The following PRKG1 variants were observed in gnomAD, a reference collection of about 807,000 sequenced individuals.
PRKG1 encodes the protein protein kinase cGMP-dependent 1, also known as cGMP-dependent protein kinase 1.
Under a neutral mutation model 88.1 loss-of-function variants are expected in PRKG1, and 35 were observed. The observed-to-expected ratio is 0.40, with a 90% confidence interval of 0.30 to 0.53. The LOEUF (loss-of-function observed/expected upper bound fraction) is 0.53, where lower values mean the gene tolerates loss of function less well. Among genes scored for constraint, PRKG1 ranks in the 20% least tolerant of loss-of-function variants. PRKG1 has a pLI of 0.59. For missense variants in PRKG1, 540 were observed against 839.8 expected, an observed-to-expected ratio of 0.64 and a Z score of 4.41; for synonymous variants, 303 against 292.5, an observed-to-expected ratio of 1.04 and a Z score of -0.37.
At chr10:51,909,768 G>T (rs543314280) in intron 5 of PRKG1, 1 of 151,930 alleles carries the variant, frequency 6.6e-6, no homozygotes, top group Non-Finnish European at 1.5e-5. Flanking sequence ...TCCAAGAGAA[G>T]AGAATAACTT....
chr10:51,625,139 A>C lies in PRKG1; in HGVS notation c.592+157303A>C, dbSNP rs540442037. Among the ~76,000 whole-genome samples, 20 of 152,294 alleles carry C rather than the reference A, an allele frequency of 1.3e-4. No individual in the cohort carries two copies. In the South Asian group the frequency reaches 2.5e-3, roughly 19 times the overall value. ...GCTTTGATCATTATACTATGTGTAC[A>C]CGCATTGAGACATCACACTGAACCC... is the stretch of plus-strand genomic sequence containing the variant. On this transcript the variant is annotated intron_variant, in intron 3 of 17. Transcript: ENST00000373980.
At chr10:51,235,405 AAAAC>A (rs34204430) in intron 2 of PRKG1, among the ~76,000 whole-genome samples, 3 of 150,346 alleles carry the variant, frequency 2.0e-5, no homozygotes, top group Non-Finnish European at 2.9e-5. Context: ...ATCTTGCAGA[AAAAC>A]AAACAAACAA....
intron 2 of PRKG1, among the ~76,000 whole-genome samples, chr10:51,265,388 T>C (rs1377521075): frequency 1.3e-5 from 2 of 152,152 alleles, no homozygotes; most frequent in African/African-American, 4.8e-5. Context: ...ATTTTGTAAG[T>C]ATGTTCAATT....
chr10:51,456,659 C>T (rs1839594134), intron 2 of PRKG1, among the ~76,000 whole-genome samples: 1 of 152,080 alleles, frequency 6.6e-6, no homozygotes, highest in East Asian at 1.9e-4. Flanking sequence ...TTAGACAACA[C>T]AGAGTGGGAA....
At chr10:51,373,881 C>A (rs1312208378) in intron 2 of PRKG1, among the ~76,000 whole-genome samples, 1 of 151,440 alleles carries the variant, frequency 6.6e-6, no homozygotes, top group Admixed American at 6.6e-5. Flanking sequence ...TGGTGGCTCA[C>A]GCCTGTAATC....
At chr10:52,157,270 A>G (rs1223597781) in intron 8 of PRKG1, among the ~76,000 whole-genome samples, 1 of 145,950 alleles carries the variant, frequency 6.9e-6, no homozygotes, top group African/African-American at 2.5e-5. Flanking sequence ...GTATATATAC[A>G]CATATATACA....
chr10:51,755,948 A>T (rs1457157098), intron 3 of PRKG1, among the ~76,000 whole-genome samples: 4 of 152,234 alleles, frequency 2.6e-5, no homozygotes, highest in African/African-American at 9.6e-5. Flanking sequence ...CTGTCTGATT[A>T]TTAGAAAGTT....
intron 1 of PRKG1, among the ~76,000 whole-genome samples, chr10:51,124,427 AAGTGACCTTG>A (rs374121569): frequency 1.3e-5 from 2 of 152,052 alleles, no homozygotes; most frequent in African/African-American, 4.8e-5. Context: ...CACCTTATAG[AAGTGACCTTG>A]ATTACCTATT....
intron 8 of PRKG1, among the ~76,000 whole-genome samples, chr10:52,156,388 G>A (rs1285378349): frequency 2.0e-5 from 3 of 151,718 alleles, no homozygotes; most frequent in Non-Finnish European, 4.4e-5. Context: ...GTAATATAAG[G>A]CTCTAAATTC....
intron 2 of PRKG1, among the ~76,000 whole-genome samples, chr10:51,158,332 C>G (rs1846267457): frequency 6.6e-6 from 1 of 151,868 alleles, no homozygotes; most frequent in African/African-American, 2.4e-5. Context: ...AAATACACGT[C>G]TTAGCCTTGG....
At chr10:51,387,801 T>C (rs1307317330) in intron 2 of PRKG1, among the ~76,000 whole-genome samples, 1 of 152,172 alleles carries the variant, frequency 6.6e-6, no homozygotes, top group East Asian at 1.9e-4. Context: ...CTCCATTATG[T>C]TCTAATATAT....
chr10:52,089,044 TA>T (rs1362235596), intron 7 of PRKG1, among the ~76,000 whole-genome samples: 1 of 152,222 alleles, frequency 6.6e-6, no homozygotes, highest in Non-Finnish European at 1.5e-5. Context: ...GTCAGAAAAA[TA>T]TTTTAAAATA....
intron 3 of PRKG1, among the ~76,000 whole-genome samples, chr10:51,665,917 A>ATGTG (rs368796918): frequency 4.0e-5 from 6 of 150,268 alleles, no homozygotes; most frequent in Non-Finnish European, 5.9e-5. Context: ...ATTTATGAAT[A>ATGTG]TGTGTGTGTG....
At chr10:51,309,393 G>T (rs2132485879) in intron 2 of PRKG1, among the ~76,000 whole-genome samples, 1 of 152,112 alleles carries the variant, frequency 6.6e-6, no homozygotes, top group South Asian at 2.1e-4. Flanking sequence ...CTCAGTGACA[G>T]CAAAAACAAC....
At chr10:51,975,670 A>G (rs57518294) in intron 5 of PRKG1, among the ~76,000 whole-genome samples, 14,419 of 152,122 alleles carry the variant, frequency 0.095, 1,830 homozygotes, top group African/African-American at 0.28. Flanking sequence ...AGTCAGGTTG[A>G]TAGTACTGTA....
At chr10:51,274,333 T>C (rs1300082919) in intron 2 of PRKG1, among the ~76,000 whole-genome samples, 1 of 152,228 alleles carries the variant, frequency 6.6e-6, no homozygotes, top group African/African-American at 2.4e-5. Flanking sequence ...TATCACCTTA[T>C]AACTTTCATG....
intron 5 of PRKG1, chr10:51,911,342 A>G (rs1412136936): frequency 6.6e-6 from 1 of 151,806 alleles, no homozygotes; most frequent in South Asian, 2.1e-4. Flanking sequence ...AAAACCCAAC[A>G]AAACAAAGAC....
intron 3 of PRKG1, among the ~76,000 whole-genome samples, chr10:51,708,097 A>G (rs983163134): frequency 1.3e-5 from 2 of 152,190 alleles, no homozygotes; most frequent in East Asian, 1.9e-4. Flanking sequence ...CCACAGACTT[A>G]AACAGAAATT....
intron 3 of PRKG1, among the ~76,000 whole-genome samples, chr10:51,470,073 C>A (rs1840009492): frequency 6.6e-6 from 1 of 151,690 alleles, no homozygotes; most frequent in Non-Finnish European, 1.5e-5. Context: ...TTAAATTAAA[C>A]CTTCAGGCTG....
Sources: allele counts gnomAD v4.1 joint callset (sites outside exome capture counted in the v4.1 genomes callset), GRCh38; gene constraint gnomAD v4.1.1; transcripts MANE v1.5; gene names NCBI Gene and HGNC (gene_info 2026-07-23, HGNC 2026-07-21).